Variants in R3HDM1 observed in about 807,000 individuals in gnomAD.
R3HDM1 encodes R3H domain containing 1, also known as R3H domain-containing protein 1.
Under a neutral mutation model 141.1 loss-of-function variants are expected in R3HDM1, and 46 were observed. The ratio of observed to expected loss-of-function variants is 0.33; its 90% CI spans 0.26 to 0.42. The LOEUF (loss-of-function observed/expected upper bound fraction) is 0.42. Ranked by LOEUF, R3HDM1 falls within the 10% of genes least tolerant of loss-of-function variation. The pLI is 1.00. For synonymous variants in R3HDM1, 435 were observed against 472.9 expected, an observed-to-expected ratio of 0.92 and a Z score of 1.04; for missense variants, 1,184 against 1,368.3, an observed-to-expected ratio of 0.87 and a Z score of 2.12.
intron 21 of R3HDM1, among the ~76,000 whole-genome samples, chr2:135,689,520 CTT>C (rs1167142345): frequency 6.6e-6 from 1 of 152,086 alleles, no homozygotes; most frequent in African/African-American, 2.4e-5. Context: ...CAAAGTGAGT[CTT>C]TGTTTTGAAA....
chr2:135,679,783 A>G (rs1203234036), intron 20 of R3HDM1, among the ~76,000 whole-genome samples: 1 of 152,188 alleles, frequency 6.6e-6, no homozygotes, highest in Non-Finnish European at 1.5e-5. Context: ...TCATGCTTTA[A>G]AAGTTTATGG....
rs778831914 is a variant in R3HDM1 at position 135,722,497 on chromosome 2, G to A, written c.2993G>A (p.Arg998Gln). Residue 998 changes from arginine (R) to glutamine (Q), a missense_variant, in exon 26 of 27, where the codon CGA (arginine) becomes CAA (glutamine). By Grantham distance (43) the Arg-to-Gln change is conservative. Around this residue, in one of 5 missense-constraint regions of R3HDM1, gnomAD observed 182 missense variants for 252.6 expected, o/e 0.72. Transcript: ENST00000683871. ...CAGCCTGGCAGCAGGCATGGAAACC[G>A]AGGAAGGAGACAAGCTAAAAAAGCT... ...QGQPGSRHGN[R>Q]GRRQAKKAAS... 3.7e-6 allele frequency: 6 copies of A among 1,613,738 alleles called. No individual in the cohort carries two copies. Among genetic ancestry groups the A allele is most frequent in the South Asian group, 3.3e-5 (3 of 90,992 alleles).
rs57827559 is a variant in R3HDM1 at position 135,607,670 on chromosome 2, G to A, written c.171+2654G>A. ...TCTACACCTAATATTTCTTTTCCTA[G>A]ATCATGCTTATCAACAAGTCATTAA... On this transcript the variant is annotated intron_variant, in intron 3 of 26. Coordinates refer to ENST00000683871, the MANE Select transcript of R3HDM1 (RefSeq NM_001378107.1). Among the ~76,000 whole-genome samples the A allele has an allele frequency of 2.9e-3, 443 of 152,190 alleles. 2 individuals carry two copies. Among genetic ancestry groups the A allele is most frequent in the African/African-American group, 0.01 (418 of 41,506 alleles).
At chr2:135,626,918 C>T (rs375013462) in intron 7 of R3HDM1, among the ~76,000 whole-genome samples, 3 of 152,054 alleles carry the variant, frequency 2.0e-5, no homozygotes, top group African/African-American at 7.2e-5. Context: ...AATGTATGGT[C>T]GTTCATGACT....
intron 1 of R3HDM1, 130 bp downstream of exon 1, chr2:135,531,763 G>C: frequency 1.0e-6 from 1 of 985,760 alleles, no homozygotes; most frequent in Non-Finnish European, 1.2e-6. Context: ...TGTGTGGAAA[G>C]GTGGCCTTCC....
chr2:135,712,068 G>GA, intron 23 of R3HDM1, among the ~76,000 whole-genome samples: 1 of 151,276 alleles, frequency 6.6e-6, no homozygotes, highest in African/African-American at 2.4e-5. Context: ...AATACTTCAG[G>GA]AAAAACAAAG....
chr2:135,671,127 A>G (rs1027172507), intron 19 of R3HDM1, among the ~76,000 whole-genome samples: 6 of 150,618 alleles, frequency 4.0e-5, no homozygotes, highest in African/African-American at 1.2e-4. Flanking sequence ...CAAACTTTAC[A>G]TACTAGATAT....
At chr2:135,642,071 C>A (rs765867489) in intron 15 of R3HDM1, among the ~76,000 whole-genome samples, 17 of 152,058 alleles carry the variant, frequency 1.1e-4, no homozygotes, top group Non-Finnish European at 2.4e-4. Context: ...AGACAACTAC[C>A]CACGAAAGAG....
At chr2:135,690,331 G>A (rs1044951679) in intron 21 of R3HDM1, among the ~76,000 whole-genome samples, 2 of 152,110 alleles carry the variant, frequency 1.3e-5, no homozygotes, top group African/African-American at 2.4e-5. Context: ...TACTTCTCTC[G>A]TTATTAAAAA....
chr2:135,638,852 G>A (rs2063513110), intron 13 of R3HDM1, 44 bp from the exon 14 acceptor site: 1 of 1,610,246 alleles, frequency 6.2e-7, no homozygotes. Context: ...TTTACTTTTT[G>A]TTCCCCTGCA....
chr2:135,532,602 TTGTAAC>T (rs1337113250), intron 1 of R3HDM1, among the ~76,000 whole-genome samples: 1 of 152,064 alleles, frequency 6.6e-6, no homozygotes, highest in Non-Finnish European at 1.5e-5. Flanking sequence ...GTTTACCTAA[TTGTAAC>T]TGTAAGAAAC....
At chr2:135,558,099 A>T (rs1018755658) in intron 1 of R3HDM1, among the ~76,000 whole-genome samples, 8 of 152,250 alleles carry the variant, frequency 5.3e-5, no homozygotes, top group African/African-American at 4.8e-5. Flanking sequence ...GTTCAAGTGT[A>T]ATGCCAATTC....
At chr2:135,653,917 T>G (rs1345535846) in intron 18 of R3HDM1, among the ~76,000 whole-genome samples, 1 of 152,216 alleles carries the variant, frequency 6.6e-6, no homozygotes, top group African/African-American at 2.4e-5. Flanking sequence ...TGTGGTTTTT[T>G]GTTCAGGGTT....
chr2:135,654,863 AGTGTGTGTGTGTGTGTGT>A (rs60593262), intron 18 of R3HDM1, among the ~76,000 whole-genome samples: 4 of 136,712 alleles, frequency 2.9e-5, no homozygotes, highest in African/African-American at 1.1e-4. Context: ...GTGTATATAA[AGTGTGTGTGTGTGTGTGT>A]GTGTGTGTGT....
At chr2:135,692,462 C>T (rs988131189) in intron 21 of R3HDM1, among the ~76,000 whole-genome samples, 3 of 152,188 alleles carry the variant, frequency 2.0e-5, no homozygotes, top group South Asian at 2.1e-4. Context: ...CGTGGTGGCA[C>T]ATGCCTGTAT....
At chr2:135,643,265 A>G (rs2105253679) in intron 15 of R3HDM1, among the ~76,000 whole-genome samples, 1 of 152,248 alleles carries the variant, frequency 6.6e-6, no homozygotes, top group South Asian at 2.1e-4. Flanking sequence ...ACCCAGGACA[A>G]CTTGTTTTTA....
intron 3 of R3HDM1, among the ~76,000 whole-genome samples, chr2:135,609,678 C>A (rs571616974): frequency 2.0e-4 from 31 of 152,236 alleles, no homozygotes; most frequent in African/African-American, 7.5e-4. Context: ...GCTTTGATTT[C>A]CTGTGTATAA....
At chr2:135,567,533 C>G (rs148646281) in intron 1 of R3HDM1, among the ~76,000 whole-genome samples, 87 of 152,220 alleles carry the variant, frequency 5.7e-4, no homozygotes, top group Non-Finnish European at 8.8e-4. Context: ...CTGTTCGCCT[C>G]TAGAGCTTAG....
intron 3 of R3HDM1, among the ~76,000 whole-genome samples, chr2:135,610,608 G>A (rs773432459): frequency 1.3e-5 from 2 of 152,156 alleles, no homozygotes; most frequent in Non-Finnish European, 2.9e-5. Flanking sequence ...TATCAGAAAA[G>A]TTCAGAACAC....
Sources: allele counts gnomAD v4.1 joint callset (sites outside exome capture counted in the v4.1 genomes callset), GRCh38; gene constraint gnomAD v4.1.1; regional missense constraint gnomAD v4.1.1; transcripts MANE v1.5; gene names NCBI Gene and HGNC (gene_info 2026-07-23, HGNC 2026-07-21).